NAV1: variants seen among roughly 807,000 people sequenced by gnomAD.
NAV1 encodes the protein neuron navigator 1.
Under a neutral mutation model 175.2 loss-of-function variants are expected in NAV1, and 18 were observed. The ratio of observed to expected loss-of-function variants is 0.10; its 90% CI spans 0.07 to 0.15. The LOEUF is 0.15. Ranked by LOEUF, NAV1 falls within the 10% of genes least tolerant of loss-of-function variation. NAV1 has a pLI of 1.00. For synonymous variants in NAV1, 897 were observed against 978.7 expected, an observed-to-expected ratio of 0.92 and a Z score of 1.56; for missense variants, 1,731 against 2,436.6, an observed-to-expected ratio of 0.71 and a Z score of 6.10.
intron 1 of NAV1, among the ~76,000 whole-genome samples, chr1:201,703,523 C>G (rs1053243845): frequency 6.6e-6 from 1 of 151,874 alleles, no homozygotes; most frequent in Non-Finnish European, 1.5e-5. Context: ...AAACAGGGCT[C>G]GAGGCCAGGC....
chr1:201,808,482 A>G lies in NAV1; in HGVS notation c.3910A>G (p.Lys1304Glu). The G allele has an allele frequency of 6.2e-7, 1 of 1,614,248 alleles. No individual in the cohort carries two copies. The highest frequency in any genetic ancestry group is 1.3e-5 in the African/African-American group (1 of 75,058). The stretch of plus-strand genomic sequence containing the variant: ...TGCAAATGAGGAGGAGGAGCCAGAG[A>G]AGAAGGAGGTATCGGAGCTGCGCTC... Residue 1304 changes from lysine (K) to glutamate (E), a missense_variant, in exon 19 of 30, where the codon AAG becomes GAG. Lys to Glu is a moderately conservative substitution (Grantham distance 56). Coordinates refer to ENST00000367296, the Ensembl canonical transcript of NAV1. The surrounding 1 kb of genome is among the most constrained non-coding windows in gnomAD (Gnocchi z 5.5).
intron 3 of NAV1, among the ~76,000 whole-genome samples, chr1:201,778,358 C>G (rs923939919): frequency 7.2e-5 from 11 of 152,180 alleles, no homozygotes; most frequent in African/African-American, 2.4e-4. Context: ...TAATTAATCT[C>G]AGATGAAATA....
chr1:201,809,743 A>G (rs536658210), intron 22 of NAV1, among the ~76,000 whole-genome samples: 8 of 152,216 alleles, frequency 5.3e-5, no homozygotes, highest in South Asian at 4.2e-4. Flanking sequence ...GCCACCATGC[A>G]TGGCTTCTCA....
intron 1 of NAV1, among the ~76,000 whole-genome samples, chr1:201,681,566 T>TC (rs1251539702): frequency 6.6e-6 from 1 of 152,180 alleles, no homozygotes; most frequent in Non-Finnish European, 1.5e-5. Context: ...CTCCTTGCTC[T>TC]CCCCCGAGTC....
chr1:201,786,689 TTGGGTTGTTTCA>T (rs1676773590), intron 9 of NAV1, 112 bp downstream of exon 13: 1 of 1,059,058 alleles, frequency 9.4e-7, no homozygotes, highest in Non-Finnish European at 1.3e-6. Context: ...TCATGCTGTA[TTGGGTTGTTTCA>T]TGGTGCCTCA....
At chr1:201,566,107 A>T (rs1666347792) in intron 1 of NAV1, among the ~76,000 whole-genome samples, 1 of 151,904 alleles carries the variant, frequency 6.6e-6, no homozygotes, top group South Asian at 2.1e-4. Flanking sequence ...GGCCTCCCCC[A>T]CACTCTGCCC....
chr1:201,785,486 A>G, intron 8 of NAV1, 135 bp downstream of exon 12: 5 of 905,448 alleles, frequency 5.5e-6, no homozygotes, highest in Non-Finnish European at 7.0e-6. Flanking sequence ...ATGTGGTCCC[A>G]TACAAGTACC....
chr1:201,800,343 T>G (rs1055762166), intron 15 of NAV1, among the ~76,000 whole-genome samples: 10 of 152,216 alleles, frequency 6.6e-5, no homozygotes, highest in Non-Finnish European at 1.3e-4. Context: ...TTAAACTAAT[T>G]CTTATCATAA....
intron 25 of NAV1, 67 bp from the exon 30 acceptor site, chr1:201,811,836 G>A: frequency 6.2e-7 from 1 of 1,611,662 alleles, no homozygotes; most frequent in South Asian, 1.1e-5. Context: ...TATGAGTTGT[G>A]TGCATGTGGC....
chr1:201,564,246 A>T (rs1666290251), intron 1 of NAV1, among the ~76,000 whole-genome samples: 1 of 152,108 alleles, frequency 6.6e-6, no homozygotes, highest in Non-Finnish European at 1.5e-5. Flanking sequence ...TGTGAAAGGA[A>T]TAGTTCAGTC....
At chr1:201,591,067 G>A (rs535502469) in intron 2 of NAV1, among the ~76,000 whole-genome samples, 9 of 152,132 alleles carry the variant, frequency 5.9e-5, no homozygotes, top group Non-Finnish European at 1.2e-4. Flanking sequence ...GATGACTTGG[G>A]GCTATTCTGT....
At chr1:201,626,666 C>T (rs1668337849) in intron 1 of NAV1, among the ~76,000 whole-genome samples, 1 of 152,214 alleles carries the variant, frequency 6.6e-6, no homozygotes, top group African/African-American at 2.4e-5. Context: ...TGACTTTTCC[C>T]AACTGCCAGT....
chr1:201,793,980 C>A, intron 14 of NAV1, 105 bp downstream of exon 18: 1 of 914,134 alleles, frequency 1.1e-6, no homozygotes, highest in Non-Finnish European at 1.7e-6. Flanking sequence ...ATGCCAGTTT[C>A]TCCCCACCTC....
chr1:201,649,282 C>T lies in NAV1; in HGVS notation c.614C>T (p.Ser205Phe), dbSNP rs1379827818. 1.7e-5 allele frequency: 28 copies of T among 1,613,120 alleles called. No homozygotes were observed. The highest frequency in any genetic ancestry group is 2.4e-5 in the Non-Finnish European group (28 of 1,179,980). The change falls in exon 1 of 30, where the codon TCC becomes TTC. Residue 205 changes from serine (S) to phenylalanine (F), a missense_variant. Around this residue, in one of 13 missense-constraint regions of NAV1, gnomAD observed 487 missense variants for 581.3 expected, o/e 0.84. Coordinates refer to ENST00000367296, the Ensembl canonical transcript of NAV1. Reference sequence around the variant, plus strand: ...GGCAAATCGGACGACGAGCTGCTCTCCAGCAAGGCCAAGGCGCAAAAGAGC... The same window carrying T: ...GGCAAATCGGACGACGAGCTGCTCTTCAGCAAGGCCAAGGCGCAAAAGAGC...
rs559724119 is a variant in NAV1, at chr1:201,768,991, A to C, written c.1227-11430A>C. 8.6e-4 allele frequency among the ~76,000 whole-genome samples: 131 copies of C among 152,324 alleles called. 1 individual carries two copies. The highest frequency in any genetic ancestry group is 3.0e-3 in the African/African-American group (126 of 41,584). ...GTATTCTTTGAGATCAGCTCAGTCC[A>C]TTTCTAGCCAATAAGGTTAGCCTCT... On this transcript the variant is annotated intron_variant, in intron 3 of 29. Transcript: ENST00000367296.
chr1:201,817,472 T>A (rs1288947706), intron 29 of NAV1, among the ~76,000 whole-genome samples, 187 bp downstream of exon 33: 2 of 150,948 alleles, frequency 1.3e-5, no homozygotes, highest in Non-Finnish European at 3.0e-5. Flanking sequence ...AAAAATAAGT[T>A]AAAAAAAAAC....
intron 1 of NAV1, 67 bp from the exon 6 acceptor site, chr1:201,712,750 C>T: frequency 8.9e-7 from 1 of 1,120,052 alleles, no homozygotes; most frequent in Admixed American, 1.7e-5. Flanking sequence ...ATCTCCACTT[C>T]CTGACCCCCA....
chr1:201,549,011 A>G (rs1364635579), intron 1 of NAV1, among the ~76,000 whole-genome samples: 1 of 152,202 alleles, frequency 6.6e-6, no homozygotes, highest in Non-Finnish European at 1.5e-5. Context: ...CTTCTGTACA[A>G]TTTGATGGTG....
At chr1:201,621,530 T>G (rs1343396378), upstream of NAV1, among the ~76,000 whole-genome samples, 1 of 150,422 alleles carries the variant, frequency 6.6e-6, no homozygotes, top group Non-Finnish European at 1.5e-5. Context: ...CGGGGTTTCA[T>G]CATGTTGGCC....
Sources: allele counts gnomAD v4.1 joint callset (sites outside exome capture counted in the v4.1 genomes callset), GRCh38; gene constraint gnomAD v4.1.1; regional missense constraint gnomAD v4.1.1; non-coding constraint Gnocchi (gnomAD v3.1); transcripts MANE v1.5; gene names NCBI Gene and HGNC (gene_info 2026-07-23, HGNC 2026-07-21).